The following GPATCH8 variants were observed in gnomAD, a reference collection of about 807,000 sequenced individuals.
GPATCH8 encodes the protein G patch domain-containing protein 8.
In GPATCH8, 18 loss-of-function variants were observed where a neutral mutation model predicts 118.3. The observed-to-expected ratio is 0.15, with a 90% CI of 0.11 to 0.23. The LOEUF (loss-of-function observed/expected upper bound fraction) is 0.23. Among genes scored for constraint, GPATCH8 ranks in the 10% least tolerant of loss-of-function variants. The pLI is 1.00. For synonymous variants in GPATCH8, 659 were observed against 684.7 expected, an observed-to-expected ratio of 0.96 and a Z score of 0.59; for missense variants, 1,631 against 1,873.8, an observed-to-expected ratio of 0.87 and a Z score of 2.39.
At chr17:44,465,151 A>G (rs918385623) in intron 2 of GPATCH8, 1 of 151,880 alleles carries the variant, frequency 6.6e-6, no homozygotes, top group East Asian at 1.9e-4. Flanking sequence ...AACTGAAAAA[A>G]CAGTGAGGTT....
intron 1 of GPATCH8, among the ~76,000 whole-genome samples, chr17:44,481,781 T>G (rs550829723): frequency 6.6e-6 from 1 of 152,212 alleles, no homozygotes; most frequent in Non-Finnish European, 1.5e-5. Flanking sequence ...TCCTGTTCCA[T>G]AGGCAGATTG....
At chr17:44,429,924 G>A (rs1040654935) in intron 5 of GPATCH8, among the ~76,000 whole-genome samples, 1 of 152,068 alleles carries the variant, frequency 6.6e-6, no homozygotes, top group Admixed American at 6.6e-5. Context: ...AGCTACTTGG[G>A]TGGCTAAGGC....
chr17:44,445,423 G>A (rs2050840647), intron 3 of GPATCH8, among the ~76,000 whole-genome samples: 2 of 151,842 alleles, frequency 1.3e-5, no homozygotes, highest in African/African-American at 4.8e-5. Flanking sequence ...CTTCCTTCAA[G>A]TACCCAGTAC....
Position 44,397,615 on chromosome 17 carries a change from T to TGGGGTGAAGTAGTGGGTG in GPATCH8, c.4444_4461dup (p.His1482_Pro1487dup). The TGGGGTGAAGTAGTGGGTG allele has an allele frequency of 6.2e-7, 1 of 1,613,460 alleles. No individual in the cohort carries two copies. On this transcript the variant is annotated inframe_insertion, in exon 8 of 8. Transcript: ENST00000591680. ...TGTTGCAGGTCCTGACCTGAGAAGATGGGGTGAAGTAGTGGGTGAAGGTGA... is the reference window on the plus strand; with the variant it reads ...TGTTGCAGGTCCTGACCTGAGAAGATGGGGTGAAGTAGTGGGTGGGGGTGAAGTAGTGGGTGAAGGTGA...
intron 3 of GPATCH8, among the ~76,000 whole-genome samples, chr17:44,451,754 A>G (rs773838049): frequency 3.3e-5 from 5 of 152,268 alleles, no homozygotes; most frequent in Non-Finnish European, 5.9e-5. Flanking sequence ...ATATATGACC[A>G]CTTCAAGTGC....
At chr17:44,456,568 G>A (rs1174138839) in intron 3 of GPATCH8, among the ~76,000 whole-genome samples, 2 of 152,038 alleles carry the variant, frequency 1.3e-5, no homozygotes, top group African/African-American at 4.8e-5. Context: ...GACTGCATGA[G>A]GCCAGGAGTT....
intron 5 of GPATCH8, among the ~76,000 whole-genome samples, chr17:44,432,050 T>G (rs1246817868): frequency 6.6e-6 from 1 of 150,564 alleles, no homozygotes; most frequent in African/African-American, 2.4e-5. Flanking sequence ...AGAGTGGGTT[T>G]TTTTTTTTTT....
chr17:44,440,199 C>T (rs1245786701), intron 3 of GPATCH8, among the ~76,000 whole-genome samples: 1 of 152,034 alleles, frequency 6.6e-6, no homozygotes, highest in East Asian at 1.9e-4. Flanking sequence ...TTGTTTCACT[C>T]CAAAGGAAGC....
chr17:44,400,294 T>A lies in GPATCH8; in HGVS notation c.1783A>T (p.Ile595Leu). 1 of 1,614,118 alleles carries A rather than the reference T, an allele frequency of 6.2e-7. No homozygotes were observed. Among genetic ancestry groups the A allele is most frequent in the Non-Finnish European group, 8.5e-7 (1 of 1,179,932 alleles). Residue 595 changes from isoleucine to leucine, a missense_variant, in exon 8 of 8, where the codon ATA becomes TTA. This residue lies in a region of GPATCH8 where 405 missense variants were observed against 462.7 expected (regional missense o/e 0.88). Coordinates refer to ENST00000591680, the MANE Select transcript of GPATCH8 (RefSeq NM_001002909.4). ...AGATGGTCCTTTGAGGAGCTTCCTA[T>A]ATCCTTTGGTTTTTCTGTTCCTTTA... ...RTKGTEKPKD[I>L]GSSSKDHLQG...
chr17:44,416,569 TA>T (rs2049693879), intron 6 of GPATCH8, among the ~76,000 whole-genome samples: 1 of 152,186 alleles, frequency 6.6e-6, no homozygotes, highest in Non-Finnish European at 1.5e-5. Flanking sequence ...GTTATTAAAA[TA>T]AAACTACAAC....
Position 44,436,466 on chromosome 17 carries a change from A to C in GPATCH8, c.261+12T>G. On this transcript the variant is annotated intron_variant, in intron 4 of 7. Transcript: ENST00000591680. Reference sequence around the variant, plus strand: ...ATCTCACAAAACTTATGAGTTAATGAGATCAATTTACCTCCATTTCCATGC... The same window carrying C: ...ATCTCACAAAACTTATGAGTTAATGCGATCAATTTACCTCCATTTCCATGC... 2 of 1,143,610 alleles carry C rather than the reference A, an allele frequency of 1.7e-6. No homozygotes were observed. Among genetic ancestry groups the C allele is most frequent in the Non-Finnish European group, 2.7e-6 (2 of 749,784 alleles). The allele number at this position is 1,143,610 out of a possible 1,614,324, so 70.8% of individuals were successfully genotyped here.
intron 6 of GPATCH8, among the ~76,000 whole-genome samples, chr17:44,419,579 T>C (rs2049816894): frequency 6.6e-6 from 1 of 152,152 alleles, no homozygotes; most frequent in Non-Finnish European, 1.5e-5. Flanking sequence ...CTCAAACTCC[T>C]GGGCTCAAGC....
intron 2 of GPATCH8, among the ~76,000 whole-genome samples, chr17:44,468,772 T>A (rs1047518932): frequency 6.6e-6 from 1 of 151,972 alleles, no homozygotes; most frequent in Admixed American, 6.6e-5. Context: ...ATGATAGAGG[T>A]AGGCTGCTTA....
At chr17:44,461,259 G>A (rs2144273089) in intron 3 of GPATCH8, among the ~76,000 whole-genome samples, 1 of 152,192 alleles carries the variant, frequency 6.6e-6, no homozygotes, top group East Asian at 1.9e-4. Flanking sequence ...ATAGTTCACT[G>A]CATCCTTCAA....
At chr17:44,490,858 C>T (rs2144469739) in intron 1 of GPATCH8, among the ~76,000 whole-genome samples, 1 of 152,214 alleles carries the variant, frequency 6.6e-6, no homozygotes, top group Non-Finnish European at 1.5e-5. Context: ...CTTCCAAACA[C>T]AGGACAAATG....
chr17:44,405,345 AT>A (rs1176016697), intron 7 of GPATCH8, among the ~76,000 whole-genome samples: 11 of 151,436 alleles, frequency 7.3e-5, no homozygotes, highest in African/African-American at 2.7e-4. Flanking sequence ...AGTAGCTGGG[AT>A]TATAGGCATG....
chr17:44,424,000 T>C (rs2050004027), intron 6 of GPATCH8, among the ~76,000 whole-genome samples: 1 of 152,202 alleles, frequency 6.6e-6, no homozygotes, highest in South Asian at 2.1e-4. Flanking sequence ...TGAATAACTC[T>C]TCAAAGTTTA....
At chr17:44,481,585 G>A (rs978422727) in intron 1 of GPATCH8, among the ~76,000 whole-genome samples, 7 of 152,212 alleles carry the variant, frequency 4.6e-5, no homozygotes, top group African/African-American at 1.2e-4. Flanking sequence ...ACTATGATGC[G>A]TTTTGTCAAT....
chr17:44,423,249 G>C (rs981965768), intron 6 of GPATCH8, among the ~76,000 whole-genome samples: 2 of 152,074 alleles, frequency 1.3e-5, no homozygotes, highest in Non-Finnish European at 2.9e-5. Context: ...CAAAAAAACA[G>C]AAAAGAATGT....
Sources: allele counts gnomAD v4.1 joint callset (sites outside exome capture counted in the v4.1 genomes callset), GRCh38; gene constraint gnomAD v4.1.1; regional missense constraint gnomAD v4.1.1; transcripts MANE v1.5; gene names NCBI Gene and HGNC (gene_info 2026-07-23, HGNC 2026-07-21).